NEK4: variants seen among roughly 807,000 people sequenced by gnomAD.
NEK4 encodes serine/threonine-protein kinase Nek4.
Under a neutral mutation model 98.4 loss-of-function variants are expected in NEK4, and 86 were observed. The observed-to-expected ratio is 0.87, with a 90% CI of 0.73 to 1.05. NEK4 has a LOEUF of 1.05. Among genes scored for constraint, NEK4 ranks in the 50% least tolerant of loss-of-function variants. NEK4 has a pLI of 0.00. For synonymous variants in NEK4, 328 were observed against 342.2 expected (o/e 0.96, Z 0.46); for missense variants, 898 against 950.3 (o/e 0.94, Z 0.72).
At position 52,754,804 on chromosome 3, in the gene NEK4, T is replaced by C. The variant is rs936002367; in HGVS notation, c.964-2468A>G. On this transcript the variant is annotated intron_variant, in intron 6 of 15. Transcript: ENST00000233027. ...AAACAAAACTGTGGGCCGGGCACCG[T>C]GGCTCATGCCTGTAATCCTAGAACT... 1.3e-5 allele frequency: 4 copies of C among 317,384 alleles called. No homozygotes were observed. In the Admixed American group the frequency reaches 1.5e-4, roughly 12 times the overall value. The allele number at this position is 317,384 out of a possible 1,614,324, so 19.7% of individuals were successfully genotyped here. A position where few individuals can be genotyped will look rare whatever the true frequency, so the allele number is the denominator to read the frequency against.
chr3:52,763,628 C>A lies in NEK4; in HGVS notation c.667-4G>T, dbSNP rs769977824. On this transcript the variant is annotated splice_polypyrimidine_tract_variant and splice_region_variant and intron_variant, in intron 4 of 15. Transcript: ENST00000233027. ...AATCTCTTGGCATTGGTGGCAGCTACAAATAAAAATAATATTGTAATTATG... is the reference window on the plus strand; with the variant it reads ...AATCTCTTGGCATTGGTGGCAGCTAAAAATAAAAATAATATTGTAATTATG... The A allele has an allele frequency of 6.3e-7, 1 of 1,576,488 alleles. No individual in the cohort carries two copies. The highest frequency in any genetic ancestry group is 1.9e-5 in the Admixed American group (1 of 52,726).
chr3:52,744,683 CA>C (rs567707729), intron 10 of NEK4, among the ~76,000 whole-genome samples: 1,039 of 81,108 alleles, frequency 0.013, 10 homozygotes, highest in African/African-American at 0.051. Flanking sequence ...GACTCCATCT[CA>C]AAAAAAAAAA....
intron 14 of NEK4, among the ~76,000 whole-genome samples, chr3:52,739,088 C>T (rs2097381185): frequency 1.3e-5 from 2 of 152,186 alleles, no homozygotes; most frequent in Non-Finnish European, 2.9e-5. Flanking sequence ...TAAACACATG[C>T]TCTCCAGTTT....
intron 12 of NEK4, chr3:52,743,107 C>A (rs2097389555): frequency 2.5e-6 from 1 of 394,852 alleles, no homozygotes; most frequent in Admixed American, 3.8e-5. Context: ...TAAGACCAAC[C>A]TATGAAATAT....
chr3:52,745,059 G>A (rs776730931), intron 10 of NEK4, among the ~76,000 whole-genome samples: 21 of 151,970 alleles, frequency 1.4e-4, no homozygotes, highest in Non-Finnish European at 2.1e-4. Flanking sequence ...GGGACTACAG[G>A]CGCCCACCAC....
At chr3:52,759,526 G>A (rs1214347811) in intron 6 of NEK4, among the ~76,000 whole-genome samples, 1 of 152,070 alleles carries the variant, frequency 6.6e-6, no homozygotes, top group African/African-American at 2.4e-5. Flanking sequence ...AAATACAATA[G>A]GATACCACTT....
At chr3:52,720,826 A>G (rs1413438299) in intron 15 of NEK4, among the ~76,000 whole-genome samples, 1 of 152,240 alleles carries the variant, frequency 6.6e-6, no homozygotes, top group Non-Finnish European at 1.5e-5. Context: ...GTGAAAACAC[A>G]AGAGTGCTGG....
chr3:52,738,162 T>C (rs1250316068), intron 14 of NEK4, among the ~76,000 whole-genome samples: 1 of 151,882 alleles, frequency 6.6e-6, no homozygotes, highest in Non-Finnish European at 1.5e-5. Context: ...AGGGATGTAG[T>C]GCAGTGTGAC....
At position 52,739,413 on chromosome 3, in the gene NEK4, A is replaced by T. The variant is rs1319069580; in HGVS notation, c.2299+16T>A. 6.2e-7 allele frequency: 1 copy of T among 1,610,304 alleles called. No individual in the cohort carries two copies. The highest frequency in any genetic ancestry group is 2.2e-5 in the East Asian group (1 of 44,864). On this transcript the variant is annotated intron_variant, in intron 14 of 15. Transcript: ENST00000233027. ...GACTCCGTCTAAAAAACAAAAAATAATAATAAGCTGATCACCTGAAGGTAG... is the reference window on the plus strand; with the variant it reads ...GACTCCGTCTAAAAAACAAAAAATATTAATAAGCTGATCACCTGAAGGTAG...
intron 15 of NEK4, among the ~76,000 whole-genome samples, chr3:52,728,442 A>G (rs1187596731): frequency 6.6e-6 from 1 of 152,230 alleles, no homozygotes; most frequent in Non-Finnish European, 1.5e-5. Context: ...CAGTTCCCAA[A>G]TAATACTTTT....
chr3:52,715,895 C>T (rs1351148064), intron 15 of NEK4, among the ~76,000 whole-genome samples: 1 of 152,220 alleles, frequency 6.6e-6, no homozygotes, highest in East Asian at 1.9e-4. Flanking sequence ...CTTCAAGGAG[C>T]CCAGACCTGG....
intron 15 of NEK4, among the ~76,000 whole-genome samples, chr3:52,720,879 CCTT>C (rs1257085897): frequency 6.6e-6 from 1 of 152,192 alleles, no homozygotes; most frequent in Admixed American, 6.5e-5. Context: ...TTTTGCCTCT[CCTT>C]AACTAATCTG....
chr3:52,745,578 CAAA>C (rs1426044451), intron 10 of NEK4, among the ~76,000 whole-genome samples: 1 of 135,828 alleles, frequency 7.4e-6, no homozygotes, highest in African/African-American at 2.7e-5. Flanking sequence ...GACTCCACCT[CAAA>C]AAAAAAAAAA....
chr3:52,751,839 A>C, intron 7 of NEK4, 93 bp downstream of exon 7: 1 of 1,247,820 alleles, frequency 8.0e-7, no homozygotes, highest in South Asian at 1.4e-5. Context: ...AGAATTACTG[A>C]TTTTCCTAAA....
At position 52,768,527 on chromosome 3, in the gene NEK4, C is replaced by A; in HGVS notation, c.171G>T (p.Leu57Phe). 1 of 1,614,218 alleles carries A rather than the reference C, an allele frequency of 6.2e-7. No individual in the cohort carries two copies. The highest frequency in any genetic ancestry group is 8.5e-7 in the Non-Finnish European group (1 of 1,180,034). The change falls in exon 2 of 16, where the codon TTG becomes TTT. Residue 57 changes from leucine (L) to phenylalanine (F), a missense_variant. Coordinates refer to ENST00000233027, the MANE Select transcript of NEK4 (RefSeq NM_003157.6). ...RRAAEQEAQL[L>F]SQLKHPNIVT... is the part of the protein sequence containing the mutation. ...CAATGTTGGGATGCTTCAACTGAGA[C>A]AAGAGCTGGGCTTCCTGTTCAGCAG...
intron 1 of NEK4, 36 bp downstream of exon 1, chr3:52,770,618 C>CCCCCCCCCCCCCTTCCCG: frequency 6.9e-7 from 1 of 1,444,516 alleles, no homozygotes; most frequent in Non-Finnish European, 9.5e-7. Context: ...CACTTCTGCC[C>CCCCCCCCCCCCCTTCCCG]GCCCCCGCCC....
Position 52,760,306 on chromosome 3 carries a change from T to TC in NEK4, c.963+488dup, listed in dbSNP as rs1302430029. ...GTCTTGGCTCACTGCAACCTCCACC[T>TC]CCCAGGTTCAAGCGATTCTCCTCCC... On this transcript the variant is annotated intron_variant, in intron 6 of 15. Coordinates refer to ENST00000233027, the MANE Select transcript of NEK4 (RefSeq NM_003157.6). 2.2e-4 allele frequency among the ~76,000 whole-genome samples: 33 copies of TC among 152,168 alleles called. 1 individual carries two copies. Among genetic ancestry groups the TC allele is most frequent in the African/African-American group, 6.8e-4 (28 of 41,422 alleles).
rs769637322 is a variant in NEK4 at position 52,766,171 on chromosome 3, A to G, written c.558+7T>C. On this transcript the variant is annotated splice_region_variant and intron_variant, in intron 3 of 15. Transcript: ENST00000233027. ...AAGGTAAGCCAGCATACAGAGCCCAATCCTACCTTATAGTTGTAGGGTTTG... is the reference window on the plus strand; with the variant it reads ...AAGGTAAGCCAGCATACAGAGCCCAGTCCTACCTTATAGTTGTAGGGTTTG... 1.1e-5 allele frequency: 17 copies of G among 1,613,028 alleles called. No homozygotes were observed. Among genetic ancestry groups the G allele is most frequent in the African/African-American group, 6.7e-5 (5 of 74,906 alleles).
At chr3:52,740,684 G>A (rs140702149) in intron 13 of NEK4, among the ~76,000 whole-genome samples, 198 of 152,114 alleles carry the variant, frequency 1.3e-3, no homozygotes, top group African/African-American at 4.5e-3. Flanking sequence ...CCAGCTACTC[G>A]GCGGGGCTGA....
Sources: allele counts gnomAD v4.1 joint callset (sites outside exome capture counted in the v4.1 genomes callset), GRCh38; gene constraint gnomAD v4.1.1; transcripts MANE v1.5; gene names NCBI Gene and HGNC (gene_info 2026-07-23, HGNC 2026-07-21).